ADAM19: variants seen among roughly 807,000 people sequenced by gnomAD.
The protein encoded by ADAM19 is ADAM metallopeptidase domain 19, also known as disintegrin and metalloproteinase domain-containing protein 19.
In ADAM19, 65 loss-of-function variants were observed where a neutral mutation model predicts 114.7. The observed-to-expected ratio is 0.57, with a 90% CI of 0.46 to 0.70. ADAM19 has a LOEUF of 0.70. ADAM19 is among the 30% of genes least tolerant of loss of function. The probability of loss-of-function intolerance (pLI) is 0.00; values close to 1 mark genes in which losing one functional copy is unlikely to be tolerated. For synonymous variants in ADAM19, 466 were observed against 460.5 expected (o/e 1.01, Z -0.15); for missense variants, 1,063 against 1,204.7 (o/e 0.88, Z 1.74).
Position 157,520,004 on chromosome 5 carries a change from G to C in ADAM19, c.435C>G (p.Leu145=), listed in dbSNP as rs922154941. The change falls in exon 6 of 23, where the codon CTC becomes CTG. Residue 145 remains leucine (L), a synonymous_variant. Coordinates refer to ENST00000257527, the MANE Select transcript of ADAM19 (RefSeq NM_033274.5). ...IRGLITVSSN[L]SYVIEPLPDS... ...CAGGGAGGGGCTCGATGACGTAGCT[G>C]AGGTTGCTGCTCACCGTAATCAGTC... The C allele has an allele frequency of 8.1e-6, 13 of 1,614,002 alleles. No homozygotes were observed. Among genetic ancestry groups the C allele is most frequent in the Middle Eastern group, 1.6e-4 (1 of 6,084 alleles).
chr5:157,526,913 G>A (rs191074758), intron 5 of ADAM19, among the ~76,000 whole-genome samples: 21 of 151,788 alleles, frequency 1.4e-4, no homozygotes, highest in Admixed American at 5.2e-4. Flanking sequence ...GAGCCACCGC[G>A]CCTGGCCTAT....
At position 157,479,480 on chromosome 5, in the gene ADAM19, G is replaced by A. The variant is rs1163235289; in HGVS notation, c.*1469C>T. The A allele has an allele frequency of 3.0e-6, 3 of 985,796 alleles. No individual in the cohort carries two copies. The highest frequency in any genetic ancestry group is 1.7e-5 in the African/African-American group (1 of 57,240). The allele number at this position is 985,796 out of a possible 1,614,324, so 61.1% of individuals were successfully genotyped here. A position where few individuals can be genotyped will look rare whatever the true frequency, so the allele number is the denominator to read the frequency against. ...GAGAGCCACCCAGCACCTTTGTGGA[G>A]TGGGAGTCTATCTCCCAGCAAACAT... On this transcript the variant is annotated 3_prime_UTR_variant, in exon 23 of 23. Coordinates refer to ENST00000257527, the MANE Select transcript of ADAM19 (RefSeq NM_033274.5).
chr5:157,520,079 A>G lies in ADAM19; in HGVS notation c.408-48T>C, dbSNP rs909517975. The G allele has an allele frequency of 2.6e-6, 4 of 1,561,916 alleles. No homozygotes were observed. The East Asian group carries it at 9.0e-5, about 35-fold the overall frequency. Reference sequence around the variant, plus strand: ...CTCTGGTCAAAGATTATGGTTCTGAAAAAGTCCCTTGTGTAGGTCTTAGTT... The same window carrying G: ...CTCTGGTCAAAGATTATGGTTCTGAGAAAGTCCCTTGTGTAGGTCTTAGTT... On this transcript the variant is annotated intron_variant, in intron 5 of 22. Transcript: ENST00000257527.
intron 1 of ADAM19, chr5:157,572,145 G>A (rs1031293525): frequency 6.3e-6 from 2 of 317,816 alleles, no homozygotes; most frequent in Non-Finnish European, 1.3e-5. Context: ...GAGTGCAGTG[G>A]TGTGATCTCG....
rs756656499 is a variant in ADAM19, at chr5:157,494,698, C to T, written c.1692G>A (p.Lys564=). The change falls in exon 15 of 23, where the codon AAG becomes AAA. Residue 564 remains lysine, a synonymous_variant. Transcript: ENST00000257527. ...CCTTTGGTCATCACCTCATGTTGCA[C>T]TTCCTGTGTTCACCATTCATGTCCT... is the stretch of plus-strand genomic sequence containing the variant. The part of the protein sequence containing the change: ...CGKDMNGEHR[K]CNMRDAKCGK... The T allele has an allele frequency of 1.7e-5, 27 of 1,613,268 alleles. No individual in the cohort carries two copies. The highest frequency in any genetic ancestry group is 6.7e-5 in the African/African-American group (5 of 74,904).
intron 12 of ADAM19, among the ~76,000 whole-genome samples, chr5:157,499,931 A>C (rs2113711514): frequency 6.6e-6 from 1 of 151,546 alleles, no homozygotes; most frequent in Non-Finnish European, 1.5e-5. Flanking sequence ...GGCACACCCC[A>C]CCACACCTGG....
At chr5:157,496,261 T>C (rs1755361194) in intron 14 of ADAM19, among the ~76,000 whole-genome samples, 1 of 152,220 alleles carries the variant, frequency 6.6e-6, no homozygotes. Context: ...CATAAAGCAT[T>C]GCATTATATG....
chr5:157,488,393 G>A lies in ADAM19; in HGVS notation c.2422C>T (p.Pro808Ser). The A allele has an allele frequency of 1.9e-6, 3 of 1,614,142 alleles. No individual in the cohort carries two copies. The highest frequency in any genetic ancestry group is 2.5e-6 in the Non-Finnish European group (3 of 1,180,022). ...LRGGSPPAPLPAHLSRAARNS... is the reference protein window; with the variant it reads ...LRGGSPPAPLSAHLSRAARNS... ...CTAGCAGCCCTGCTCAGGTGAGCTGGCAGTGGTGCAGGTGGGGACCCACCA... is the reference window on the plus strand; with the variant it reads ...CTAGCAGCCCTGCTCAGGTGAGCTGACAGTGGTGCAGGTGGGGACCCACCA... Residue 808 changes from proline (P) to serine (S), a missense_variant, in exon 21 of 23, where the codon CCA becomes TCA. Physicochemically the swap from Pro to Ser is moderately conservative, Grantham distance 74. Around this residue, in one of 3 missense-constraint regions of ADAM19, gnomAD observed 424 missense variants for 445.5 expected, o/e 0.95. Coordinates refer to ENST00000257527, the MANE Select transcript of ADAM19 (RefSeq NM_033274.5).
chr5:157,494,336 A>G (rs764986486), intron 15 of ADAM19, among the ~76,000 whole-genome samples: 2 of 152,132 alleles, frequency 1.3e-5, no homozygotes, highest in Non-Finnish European at 2.9e-5. Context: ...ATGATGAATA[A>G]ATGAATGAAT....
Position 157,492,916 on chromosome 5 carries a change from C to T in ADAM19, c.1908+57G>A. 2.5e-6 allele frequency: 4 copies of T among 1,592,168 alleles called. No individual in the cohort carries two copies. The South Asian group carries it at 4.4e-5, about 18-fold the overall frequency. On this transcript the variant is annotated intron_variant, in intron 16 of 22. Transcript: ENST00000257527. ...CCAGGCATCCTTCCCTCAGACCTCA[C>T]TTCTCAATCACTCTGCTCTGCAGCT...
chr5:157,543,139 G>A (rs4704881), intron 3 of ADAM19, among the ~76,000 whole-genome samples: 10 of 152,212 alleles, frequency 6.6e-5, no homozygotes, highest in Admixed American at 5.9e-4. Flanking sequence ...CACACACACC[G>A]CCACACAAAT....
intron 1 of ADAM19, among the ~76,000 whole-genome samples, chr5:157,573,483 C>G (rs188597914): frequency 0.012 from 1,762 of 152,288 alleles, 21 homozygotes; most frequent in Non-Finnish European, 0.016. Context: ...CAATGGCTCA[C>G]GCCTGTAATC....
intron 2 of ADAM19, 44 bp downstream of exon 2, chr5:157,570,851 G>A (rs1757799526): frequency 1.3e-6 from 2 of 1,559,378 alleles, no homozygotes; most frequent in African/African-American, 1.4e-5. Context: ...CCAAACCTCA[G>A]TTGTCAACTC....
intron 1 of ADAM19, among the ~76,000 whole-genome samples, chr5:157,571,870 A>G (rs11465243): frequency 0.036 from 5,485 of 152,280 alleles, 155 homozygotes; most frequent in Non-Finnish European, 0.058. Context: ...TAAAATGAAG[A>G]CAAAGATGCT....
intron 3 of ADAM19, among the ~76,000 whole-genome samples, chr5:157,555,478 T>G (rs1208833475): frequency 6.6e-6 from 1 of 152,178 alleles, no homozygotes; most frequent in Non-Finnish European, 1.5e-5. Flanking sequence ...TATGTTTTTT[T>G]CTCTTGTCAT....
chr5:157,486,984 G>T (rs1031517602), intron 21 of ADAM19, among the ~76,000 whole-genome samples: 14 of 152,098 alleles, frequency 9.2e-5, no homozygotes, highest in Non-Finnish European at 7.4e-5. Context: ...GAAAGGCCTC[G>T]TGAGAACACA....
chr5:157,514,489 GC>G (rs1347387156), intron 7 of ADAM19, among the ~76,000 whole-genome samples: 1 of 152,084 alleles, frequency 6.6e-6, no homozygotes, highest in Non-Finnish European at 1.5e-5. Flanking sequence ...ACCATGGCCA[GC>G]TAATTTTTGT....
At chr5:157,517,779 G>A (rs531939444) in intron 7 of ADAM19, among the ~76,000 whole-genome samples, 1 of 152,334 alleles carries the variant, frequency 6.6e-6, no homozygotes, top group African/African-American at 2.4e-5. Context: ...TGAGCCAGGT[G>A]AGGGTTCCTC....
intron 4 of ADAM19, among the ~76,000 whole-genome samples, chr5:157,531,969 A>G (rs897178286): frequency 5.3e-5 from 8 of 152,164 alleles, no homozygotes; most frequent in Non-Finnish European, 1.0e-4. Flanking sequence ...GGACTGTGAG[A>G]AAGTAAAATT....
Sources: gnomAD v4.1 joint callset for allele counts (sites outside exome capture counted in the v4.1 genomes callset) on GRCh38, gnomAD v4.1.1 for gene constraint, gnomAD v4.1.1 regional missense constraint, MANE v1.5 for transcripts, NCBI Gene and HGNC (gene_info 2026-07-23, HGNC 2026-07-21) for gene names.